The following LACTB2 variants were observed in gnomAD, a reference collection of about 807,000 sequenced individuals.
LACTB2 encodes lactamase beta 2.
In LACTB2, 32 loss-of-function variants were observed where a neutral mutation model predicts 34.8. That is an observed-to-expected ratio of 0.92 (90% CI 0.69 to 1.24). The LOEUF is 1.24. LACTB2 is among the 50% of genes most tolerant of loss of function. LACTB2 has a pLI of 0.00. For synonymous variants in LACTB2, 120 were observed against 117.5 expected (o/e 1.02, Z -0.14); for missense variants, 320 against 345.0 (o/e 0.93, Z 0.57).
rs528772951 is a variant in LACTB2 at position 70,660,688 on chromosome 8, T to G, written c.286+1046A>C. 852 of 456,442 alleles carry G rather than the reference T, an allele frequency of 1.9e-3. 10 individuals are homozygous for G. Among genetic ancestry groups the G allele is most frequent in the South Asian group, 8.7e-3 (560 of 64,570 alleles). 28.3% of individuals were successfully genotyped at this position (456,442 alleles called of 1,614,324 possible). ...GAGCTTGCTCCTTCTCTCTGTCCAC[T>G]CTGGATATAACAGCCCTTGCCCTTC... On this transcript the variant is annotated intron_variant, in intron 2 of 6. Coordinates refer to ENST00000276590, the MANE Select transcript of LACTB2 (RefSeq NM_016027.3).
intron 1 of LACTB2, among the ~76,000 whole-genome samples, chr8:70,663,736 A>C (rs951150320): frequency 2.0e-5 from 3 of 152,040 alleles, no homozygotes; most frequent in Admixed American, 6.6e-5. Flanking sequence ...GATGAGTTTG[A>C]CTCGGGTCAG....
intron 1 of LACTB2, among the ~76,000 whole-genome samples, chr8:70,666,250 GAC>G (rs1249597225): frequency 6.6e-6 from 1 of 152,226 alleles, no homozygotes; most frequent in African/African-American, 2.4e-5. Flanking sequence ...GGTGTGGAAA[GAC>G]ACTAAGCTTC....
chr8:70,651,666 CACAGAAAACAATTTGTTTTTCTGTGAT>C (rs1818345209), intron 3 of LACTB2: 1 of 134,558 alleles, frequency 7.4e-6, no homozygotes, highest in Non-Finnish European at 1.6e-5. Context: ...GTGATATAAA[CACAGAAAACAATTTGTTTTTCTGTGAT>C]ATAAACACAG....
At chr8:70,655,547 G>A (rs1005173035) in intron 3 of LACTB2, among the ~76,000 whole-genome samples, 4 of 152,088 alleles carry the variant, frequency 2.6e-5, no homozygotes, top group African/African-American at 9.7e-5. Flanking sequence ...TTTTATGGCT[G>A]AGTAGTATTC....
chr8:70,668,918 T>C (rs555136933), intron 1 of LACTB2, 81 bp downstream of exon 1: 13 of 1,531,052 alleles, frequency 8.5e-6, no homozygotes, highest in South Asian at 1.2e-5. Flanking sequence ...CGCTCTCCAC[T>C]GCCCGCGCAG....
At chr8:70,639,411 C>T (rs1016955556) in intron 5 of LACTB2, among the ~76,000 whole-genome samples, 133 of 152,148 alleles carry the variant, frequency 8.7e-4, no homozygotes, top group African/African-American at 3.0e-3. Context: ...CCGCCCGCCT[C>T]GGCCTCCCAA....
intron 5 of LACTB2, chr8:70,640,652 A>G: frequency 4.1e-6 from 1 of 243,706 alleles, no homozygotes; most frequent in Middle Eastern, 1.2e-3. Context: ...TTTCTCCTAC[A>G]TAGTTAGGCA....
chr8:70,652,133 G>A (rs62531722), intron 3 of LACTB2, among the ~76,000 whole-genome samples: 2,311 of 152,136 alleles, frequency 0.015, 27 homozygotes, highest in Non-Finnish European at 0.022. Flanking sequence ...TGCATTTTAT[G>A]TTATTTTTTT....
intron 3 of LACTB2, among the ~76,000 whole-genome samples, chr8:70,655,977 G>C (rs146758971): frequency 2.0e-5 from 3 of 152,074 alleles, no homozygotes; most frequent in Non-Finnish European, 2.9e-5. Flanking sequence ...TTTCATGTTT[G>C]TTGGCCATTT....
At chr8:70,640,759 A>AG in intron 5 of LACTB2, 143 bp downstream of exon 5, 1 of 984,456 alleles carries the variant, frequency 1.0e-6, no homozygotes, top group Non-Finnish European at 1.4e-6. Flanking sequence ...TTAGCACTGT[A>AG]GAAAGTTTAG....
intron 6 of LACTB2, among the ~76,000 whole-genome samples, chr8:70,638,106 T>A (rs1169009271): frequency 6.6e-6 from 1 of 152,206 alleles, no homozygotes; most frequent in African/African-American, 2.4e-5. Flanking sequence ...ATTTTAAGGA[T>A]TACATTTCTA....
At chr8:70,639,006 G>A (rs926902405) in intron 5 of LACTB2, among the ~76,000 whole-genome samples, 1 of 151,990 alleles carries the variant, frequency 6.6e-6, no homozygotes, top group African/African-American at 2.4e-5. Context: ...CCAAAGTGCT[G>A]GGATTACAGA....
intron 6 of LACTB2, among the ~76,000 whole-genome samples, 200 bp from the exon 7 acceptor site, chr8:70,638,103 G>A (rs1818146272): frequency 6.6e-6 from 1 of 152,076 alleles, no homozygotes; most frequent in Non-Finnish European, 1.5e-5. Context: ...TGGATTTTAA[G>A]GATTACATTT....
At chr8:70,638,213 C>G (rs1316891827) in intron 6 of LACTB2, among the ~76,000 whole-genome samples, 1 of 152,140 alleles carries the variant, frequency 6.6e-6, no homozygotes, top group African/African-American at 2.4e-5. Context: ...TGTTTAAAAC[C>G]TTTGGCTGTT....
intron 1 of LACTB2, among the ~76,000 whole-genome samples, chr8:70,665,822 A>G (rs2132082420): frequency 6.6e-6 from 1 of 152,286 alleles, no homozygotes; most frequent in Middle Eastern, 3.4e-3. Flanking sequence ...TATCAGCCAC[A>G]CTGTCTGCCC....
chr8:70,644,980 T>A (rs1420251043), intron 3 of LACTB2, among the ~76,000 whole-genome samples: 3 of 152,174 alleles, frequency 2.0e-5, no homozygotes, highest in African/African-American at 7.2e-5. Flanking sequence ...GATATTGTTT[T>A]AATACCTGAT....
intron 3 of LACTB2, among the ~76,000 whole-genome samples, chr8:70,648,090 GAAGA>G (rs1400760483): frequency 5.9e-5 from 9 of 152,108 alleles, no homozygotes; most frequent in African/African-American, 1.9e-4. Context: ...ACCATCTCAG[GAAGA>G]AAGACTCTAC....
At position 70,638,027 on chromosome 8, in the gene LACTB2, T is replaced by G. The variant is rs866561734; in HGVS notation, c.824-124A>C. The stretch of plus-strand genomic sequence containing the variant: ...AATAATTTTGTTGCTCAATATAAAG[T>G]TGGGTATTTTTGGTACATGTAAAAA... On this transcript the variant is annotated intron_variant, in intron 6 of 6. Coordinates refer to ENST00000276590, the MANE Select transcript of LACTB2 (RefSeq NM_016027.3). The G allele has an allele frequency of 4.1e-5, 20 of 489,040 alleles. No individual in the cohort carries two copies. In the Middle Eastern group the frequency reaches 1.0e-3, roughly 25 times the overall value. The allele number at this position is 489,040 out of a possible 1,614,324, so 30.3% of individuals were successfully genotyped here. A position where few individuals can be genotyped will look rare whatever the true frequency, so the allele number is the denominator to read the frequency against.
Position 70,643,494 on chromosome 8 carries a change from T to A in LACTB2, c.592+571A>T, listed in dbSNP as rs1201370207. Among the ~76,000 whole-genome samples the A allele has an allele frequency of 2.7e-5, 4 of 148,898 alleles. No individual in the cohort carries two copies. The East Asian group carries it at 5.8e-4, about 22-fold the overall frequency. ...CACCTAGGCCTCTCAAAGAGGGGTATATTTTAAAGAAGTAGTTGATATGTT... is the reference window on the plus strand; with the variant it reads ...CACCTAGGCCTCTCAAAGAGGGGTAAATTTTAAAGAAGTAGTTGATATGTT... On this transcript the variant is annotated intron_variant, in intron 4 of 6. Coordinates refer to ENST00000276590, the MANE Select transcript of LACTB2 (RefSeq NM_016027.3).
Sources: gnomAD v4.1 joint callset for allele counts (sites outside exome capture counted in the v4.1 genomes callset) on GRCh38, gnomAD v4.1.1 for gene constraint, MANE v1.5 for transcripts, NCBI Gene and HGNC (gene_info 2026-07-23, HGNC 2026-07-21) for gene names.